CNTN6: variants seen among roughly 807,000 people sequenced by gnomAD.
CNTN6 encodes contactin 6.
A neutral mutation model predicts 122.8 loss-of-function variants in CNTN6; 137 were observed. That is an observed-to-expected ratio of 1.12 (90% CI 0.97 to 1.29). The LOEUF (loss-of-function observed/expected upper bound fraction) is 1.29. Among genes scored for constraint, CNTN6 ranks in the 50% most tolerant of loss-of-function variants. The pLI, the probability that CNTN6 is intolerant of heterozygous loss-of-function variation, is 0.00. For missense variants in CNTN6, 1,634 were observed against 1,223.4 expected, an observed-to-expected ratio of 1.34 and a Z score of -5.01; for synonymous variants, 570 against 426.0, an observed-to-expected ratio of 1.34 and a Z score of -4.16.
intron 12 of CNTN6, among the ~76,000 whole-genome samples, chr3:1,353,257 C>G (rs1705957356): frequency 1.3e-5 from 2 of 151,682 alleles, no homozygotes; most frequent in Middle Eastern, 6.8e-3. Flanking sequence ...CTAATTAAGC[C>G]CAAATGATTA....
chr3:1,245,389 A>G (rs1403018558), intron 4 of CNTN6, among the ~76,000 whole-genome samples: 1 of 132,236 alleles, frequency 7.6e-6, no homozygotes, highest in Admixed American at 8.5e-5. Context: ...CATTCACAGC[A>G]ACCTAGATGG....
intron 4 of CNTN6, among the ~76,000 whole-genome samples, chr3:1,232,413 C>A (rs1032440272): frequency 6.6e-6 from 1 of 152,044 alleles, no homozygotes; most frequent in Non-Finnish European, 1.5e-5. Flanking sequence ...ACAGCTACTT[C>A]CTGTCTCAAC....
chr3:1,245,223 T>TATATAAC (rs1559595319), intron 4 of CNTN6, among the ~76,000 whole-genome samples: 3 of 18,802 alleles, frequency 1.6e-4, no homozygotes, highest in Non-Finnish European at 1.8e-4. Flanking sequence ...TATATATATA[T>TATATAAC]ATATATATAT....
chr3:1,387,228 G>A (rs1173414596), intron 20 of CNTN6, among the ~76,000 whole-genome samples: 1 of 152,218 alleles, frequency 6.6e-6, no homozygotes, highest in Admixed American at 6.5e-5. Flanking sequence ...AACTGCAAAA[G>A]CCTGTGGAGC....
At chr3:1,227,647 A>G (rs2094300934) in intron 3 of CNTN6, among the ~76,000 whole-genome samples, 171 bp from the exon 4 acceptor site, 1 of 152,128 alleles carries the variant, frequency 6.6e-6, no homozygotes, top group East Asian at 1.9e-4. Flanking sequence ...TACTGATCTC[A>G]CCAAACCCAC....
intron 7 of CNTN6, among the ~76,000 whole-genome samples, chr3:1,313,194 T>C (rs1486290825): frequency 6.6e-6 from 1 of 152,080 alleles, no homozygotes; most frequent in Non-Finnish European, 1.5e-5. Context: ...TATTTATTAA[T>C]AAAAAATTAT....
chr3:1,361,324 G>A (rs962452789), intron 12 of CNTN6, among the ~76,000 whole-genome samples: 2 of 152,148 alleles, frequency 1.3e-5, no homozygotes, highest in South Asian at 2.1e-4. Flanking sequence ...AAGCTACAAT[G>A]TTGCTATTAA....
intron 4 of CNTN6, among the ~76,000 whole-genome samples, chr3:1,252,954 A>G (rs920464004): frequency 6.6e-6 from 1 of 152,218 alleles, no homozygotes; most frequent in African/African-American, 2.4e-5. Context: ...AAGAAGGTAT[A>G]GCATGAACAA....
At chr3:1,399,172 A>G (rs1256310572) in intron 20 of CNTN6, among the ~76,000 whole-genome samples, 1 of 152,172 alleles carries the variant, frequency 6.6e-6, no homozygotes, top group African/African-American at 2.4e-5. Flanking sequence ...TGTATTGATT[A>G]TATAATGGTA....
chr3:1,102,146 G>A (rs966905410), intron 1 of CNTN6, among the ~76,000 whole-genome samples: 1 of 152,122 alleles, frequency 6.6e-6, no homozygotes, highest in African/African-American at 2.4e-5. Context: ...AAAGAATGTA[G>A]ACATTTTATT....
chr3:1,200,933 C>CT (rs59538115), intron 2 of CNTN6, among the ~76,000 whole-genome samples: 15,035 of 140,814 alleles, frequency 0.11, 836 homozygotes, highest in Non-Finnish European at 0.13. Flanking sequence ...TTCTTTTTTT[C>CT]TTTTTTTTTT....
intron 4 of CNTN6, among the ~76,000 whole-genome samples, chr3:1,239,569 A>C (rs1276841630): frequency 6.6e-6 from 1 of 152,220 alleles, no homozygotes; most frequent in Admixed American, 6.5e-5. Flanking sequence ...GGTTGGGGAG[A>C]ATCAATATTG....
intron 2 of CNTN6, among the ~76,000 whole-genome samples, chr3:1,168,341 G>A (rs1269335594): frequency 1.5e-4 from 22 of 149,684 alleles, no homozygotes; most frequent in Non-Finnish European, 3.0e-4. Context: ...GAGACAGGGT[G>A]AGAAAGGATG....
chr3:1,113,079 T>C lies in CNTN6; in HGVS notation c.-83+19959T>C, dbSNP rs370941531. 2.0e-5 allele frequency among the ~76,000 whole-genome samples: 3 copies of C among 152,144 alleles called. No homozygotes were observed. In the South Asian group the frequency reaches 6.2e-4, roughly 31 times the overall value. On this transcript the variant is annotated intron_variant, in intron 1 of 22. Coordinates refer to ENST00000446702, the MANE Select transcript of CNTN6 (RefSeq NM_001289080.2). ...GAGATGAAAGTCAGAGTGACTTTCC[T>C]CAGGCTCTGACGTCTCTTGAGGAGT... is the stretch of plus-strand genomic sequence containing the variant.
At chr3:1,249,700 AT>A (rs1485941122) in intron 4 of CNTN6, among the ~76,000 whole-genome samples, 6 of 152,212 alleles carry the variant, frequency 3.9e-5, no homozygotes, top group African/African-American at 1.4e-4. Flanking sequence ...AATCAATTCT[AT>A]TTTTATGAAT....
chr3:1,288,926 A>G (rs1373259658), intron 5 of CNTN6, among the ~76,000 whole-genome samples: 1 of 152,198 alleles, frequency 6.6e-6, no homozygotes, highest in Non-Finnish European at 1.5e-5. Flanking sequence ...TAATAATAAT[A>G]AAATTGTAGA....
At chr3:1,278,545 G>T (rs761932860) in intron 5 of CNTN6, 37 bp downstream of exon 5, 1 of 1,416,128 alleles carries the variant, frequency 7.1e-7, no homozygotes, top group Non-Finnish European at 9.9e-7. Context: ...CATCAATGCG[G>T]TCACTTGGAG....
chr3:1,375,148 AC>A (rs759918099), intron 16 of CNTN6, among the ~76,000 whole-genome samples: 1 of 151,950 alleles, frequency 6.6e-6, no homozygotes, highest in Non-Finnish European at 1.5e-5. Flanking sequence ...CCTCCTATAT[AC>A]CCCCTGGATC....
At chr3:1,349,936 C>A (rs940057844) in intron 11 of CNTN6, among the ~76,000 whole-genome samples, 1 of 151,474 alleles carries the variant, frequency 6.6e-6, no homozygotes, top group Non-Finnish European at 1.5e-5. Flanking sequence ...ATGTCTATAT[C>A]CTAGATCAAC....
Sources: gnomAD v4.1 joint callset for allele counts (sites outside exome capture counted in the v4.1 genomes callset) on GRCh38, gnomAD v4.1.1 for gene constraint, MANE v1.5 for transcripts, NCBI Gene and HGNC (gene_info 2026-07-23, HGNC 2026-07-21) for gene names.